Variants in NTN1 observed in about 807,000 individuals in gnomAD.
NTN1 encodes the protein netrin 1.
NTN1 carries 11 observed loss-of-function variants against 54.2 expected under a neutral mutation model. The observed-to-expected ratio is 0.20, with a 90% CI of 0.13 to 0.34. The LOEUF (loss-of-function observed/expected upper bound fraction) is 0.34. Ranked by LOEUF, NTN1 falls within the 10% of genes least tolerant of loss-of-function variation. The pLI is 1.00. For missense variants in NTN1, 740 were observed against 893.1 expected (o/e 0.83, Z 2.18); for synonymous variants, 371 against 382.0 (o/e 0.97, Z 0.33).
the NTN1 span, among the ~76,000 whole-genome samples, chr17:9,009,351 C>T: frequency 6.6e-6 from 1 of 152,180 alleles, no homozygotes; most frequent in South Asian, 2.1e-4. Flanking sequence ...TGGCCAGAGG[C>T]TAGGAAGTGG....
In NTN1 at chr17:9,243,239, T is replaced by C. The variant is rs1253062995; in HGVS notation, c.*3271T>C. 1 of 152,022 alleles carries C rather than the reference T, an allele frequency of 6.6e-6. No individual in the cohort carries two copies. The highest frequency in any genetic ancestry group is 1.5e-5 in the Non-Finnish European group (1 of 67,990). The allele number at this position is 152,022 out of a possible 1,614,324, so 9.4% of individuals were successfully genotyped here. ...GAGGCAGCATCCCCAGGGGCCTCTA[T>C]GTGGGAGGGAGGGACACCTGGGGTC... On this transcript the variant is annotated 3_prime_UTR_variant, in exon 7 of 7. Coordinates refer to ENST00000173229, the MANE Select transcript of NTN1 (RefSeq NM_004822.3).
At chr17:9,082,729 T>C (rs2092075988) in intron 2 of NTN1, among the ~76,000 whole-genome samples, 1 of 142,822 alleles carries the variant, frequency 7.0e-6, no homozygotes, top group Admixed American at 7.0e-5. Context: ...TTTTTTTTAA[T>C]TTTGGATGAC....
At chr17:9,085,933 C>G (rs777474574) in intron 2 of NTN1, among the ~76,000 whole-genome samples, 2 of 152,122 alleles carry the variant, frequency 1.3e-5, no homozygotes, top group Non-Finnish European at 2.9e-5. Context: ...TTGCCTGGCT[C>G]TCACTGCTAC....
intron 2 of NTN1, among the ~76,000 whole-genome samples, chr17:9,093,412 G>A (rs891128990): frequency 4.0e-5 from 6 of 151,534 alleles, no homozygotes; most frequent in Non-Finnish European, 8.8e-5. Context: ...GCCCAGGCTG[G>A]AGTGCAGTGG....
At chr17:9,186,574 C>T (rs1270795701) in intron 5 of NTN1, among the ~76,000 whole-genome samples, 1 of 152,254 alleles carries the variant, frequency 6.6e-6, no homozygotes, top group African/African-American at 2.4e-5. Flanking sequence ...CCAGCAGCCC[C>T]AGCCTGGGGT....
chr17:9,234,024 A>G (rs1038975883), intron 6 of NTN1, among the ~76,000 whole-genome samples: 1 of 152,160 alleles, frequency 6.6e-6, no homozygotes, highest in African/African-American at 2.4e-5. Context: ...ACACTGCGGC[A>G]GGCTGCCCTT....
At chr17:9,118,774 G>A (rs940281296) in intron 2 of NTN1, among the ~76,000 whole-genome samples, 13 of 152,146 alleles carry the variant, frequency 8.5e-5, no homozygotes, top group African/African-American at 3.1e-4. Flanking sequence ...CTTCTTTCCC[G>A]TGACATAATA....
rs943196226 is a variant in NTN1, at chr17:9,168,916, G to A, written c.1207+5915G>A. Reference sequence around the variant, plus strand: ...TAGTGGCTGGAGCGGCTCCAGCTTTGAGGACAGAGACCCCAAGGCAAGGAG... The same window carrying A: ...TAGTGGCTGGAGCGGCTCCAGCTTTAAGGACAGAGACCCCAAGGCAAGGAG... On this transcript the variant is annotated intron_variant, in intron 3 of 6. Coordinates refer to ENST00000173229, the MANE Select transcript of NTN1 (RefSeq NM_004822.3). Among the ~76,000 whole-genome samples the A allele has an allele frequency of 6.6e-5, 10 of 152,292 alleles. No homozygotes were observed. The East Asian group carries it at 1.9e-3, about 29-fold the overall frequency.
At chr17:9,069,223 C>G (rs373802490) in intron 2 of NTN1, among the ~76,000 whole-genome samples, 2 of 148,816 alleles carry the variant, frequency 1.3e-5, no homozygotes, top group African/African-American at 5.0e-5. Context: ...TTTTAGACAC[C>G]GAGATCTCAC....
chr17:9,182,675 T>C (rs1446117435), intron 4 of NTN1, among the ~76,000 whole-genome samples: 1 of 152,102 alleles, frequency 6.6e-6, no homozygotes, highest in Non-Finnish European at 1.5e-5. Context: ...GCCGCCTCAC[T>C]CCTGCCTTCT....
chr17:9,185,937 G>C (rs1280144419), intron 5 of NTN1, among the ~76,000 whole-genome samples: 3 of 152,148 alleles, frequency 2.0e-5, no homozygotes, highest in Non-Finnish European at 4.4e-5. Context: ...CTGCCTTCTG[G>C]AAGAATGAAG....
Position 9,135,925 on chromosome 17 carries a change from C to T in NTN1, c.1019-26888C>T, listed in dbSNP as rs139300552. Among the ~76,000 whole-genome samples the T allele has an allele frequency of 1.9e-3, 284 of 152,336 alleles. No individual in the cohort carries two copies. The highest frequency in any genetic ancestry group is 6.4e-3 in the African/African-American group (266 of 41,570). On this transcript the variant is annotated intron_variant, in intron 2 of 6. Coordinates refer to ENST00000173229, the MANE Select transcript of NTN1 (RefSeq NM_004822.3). The surrounding 1 kb of genome is among the most constrained non-coding windows in gnomAD (Gnocchi z 4.4). ...GCAGCATGAACACTGCCACCCCAAA[C>T]GTGTCTGTGTGCGCACGCTCACTCA...
intron 5 of NTN1, among the ~76,000 whole-genome samples, chr17:9,193,972 A>G (rs1257415761): frequency 6.9e-6 from 1 of 145,886 alleles, no homozygotes; most frequent in Non-Finnish European, 1.5e-5. Flanking sequence ...GCAGAGGCTC[A>G]CGCCTGTAAT....
At chr17:9,156,222 G>A (rs1252933086) in intron 2 of NTN1, among the ~76,000 whole-genome samples, 1 of 150,746 alleles carries the variant, frequency 6.6e-6, no homozygotes, top group African/African-American at 2.4e-5. Flanking sequence ...GCCTGCGATG[G>A]TGCCTGCGTG....
chr17:9,124,072 C>G (rs1173482938), intron 2 of NTN1, among the ~76,000 whole-genome samples: 6 of 152,196 alleles, frequency 3.9e-5, no homozygotes, highest in Non-Finnish European at 5.9e-5. Context: ...CCCCAACCAT[C>G]ACGCAGTGCC....
chr17:9,145,449 G>C (rs1275055016), intron 2 of NTN1, among the ~76,000 whole-genome samples: 1 of 152,206 alleles, frequency 6.6e-6, no homozygotes, highest in Non-Finnish European at 1.5e-5. Context: ...GAGGTCTGGG[G>C]AGGACTAACC....
intron 5 of NTN1, among the ~76,000 whole-genome samples, chr17:9,217,045 CAAAAAAA>C (rs201848057): frequency 7.5e-6 from 1 of 133,202 alleles, no homozygotes; most frequent in African/African-American, 2.8e-5. Flanking sequence ...GACTCCGTCT[CAAAAAAA>C]AAAAAAAGAA....
At chr17:9,088,194 C>T (rs1034008732) in intron 2 of NTN1, among the ~76,000 whole-genome samples, 4 of 152,230 alleles carry the variant, frequency 2.6e-5, no homozygotes, top group African/African-American at 9.6e-5. Flanking sequence ...CAGCTCCCGA[C>T]GGCCGTGCCG....
rs8067371 is a variant in NTN1 at position 9,114,153 on chromosome 17, G to T, written c.1019-48660G>T. Among the ~76,000 whole-genome samples, 148 of 92,928 alleles carry T rather than the reference G, an allele frequency of 1.6e-3. 1 individual carries two copies. Among genetic ancestry groups the T allele is most frequent in the African/African-American group, 5.7e-3 (145 of 25,432 alleles). 61.0% of individuals were successfully genotyped at this position (92,928 alleles called of 152,430 possible). On this transcript the variant is annotated intron_variant, in intron 2 of 6. Coordinates refer to ENST00000173229, the MANE Select transcript of NTN1 (RefSeq NM_004822.3). ...CTCTAGCCTGGGTGCCAAAAAAAAAGAAAAAAAAAAAAAATATATATATAT... is the reference window on the plus strand; with the variant it reads ...CTCTAGCCTGGGTGCCAAAAAAAAATAAAAAAAAAAAAAATATATATATAT...
Sources: gnomAD v4.1 joint callset for allele counts (sites outside exome capture counted in the v4.1 genomes callset) on GRCh38, gnomAD v4.1.1 for gene constraint, Gnocchi (gnomAD v3.1) non-coding constraint, MANE v1.5 for transcripts, NCBI Gene and HGNC (gene_info 2026-07-23, HGNC 2026-07-21) for gene names.